The following ZC2HC1A variants were observed in gnomAD, a reference collection of about 807,000 sequenced individuals.
The protein encoded by ZC2HC1A is zinc finger C2HC-type containing 1A, also known as zinc finger C2HC domain-containing protein 1A.
ZC2HC1A carries 28 observed loss-of-function variants against 40.7 expected under a neutral mutation model. That is an observed-to-expected ratio of 0.69 (90% CI 0.51 to 0.94). The LOEUF (loss-of-function observed/expected upper bound fraction) is 0.94, where lower values mean the gene tolerates loss of function less well. Among genes scored for constraint, ZC2HC1A ranks in the 40% least tolerant of loss-of-function variants. ZC2HC1A has a pLI of 0.00. For synonymous variants in ZC2HC1A, 129 were observed against 129.2 expected (o/e 1.00, Z 0.01); for missense variants, 389 against 386.3 (o/e 1.01, Z -0.06).
At chr8:78,679,062 C>T (rs919601821) in intron 3 of ZC2HC1A, 1 of 153,282 alleles carries the variant, frequency 6.5e-6, no homozygotes, top group Non-Finnish European at 1.5e-5. Flanking sequence ...TCTCTACATC[C>T]AAAAAGTTAA....
chr8:78,698,502 C>G lies in ZC2HC1A; in HGVS notation c.693C>G (p.Ala231=). ...CTCCCTCTCATAAAGGGATAGCAGC[C>G]CCTCATGCAGGGTAAGTCTACACTG... is the stretch of plus-strand genomic sequence containing the variant. ...TLSPSHKGIA[A]PHAGANVKPR... The change falls in exon 7 of 9, where the codon GCC becomes GCG. Residue 231 remains alanine, a synonymous_variant. Transcript: ENST00000263849. The G allele has an allele frequency of 6.2e-7, 1 of 1,607,906 alleles. No homozygotes were observed. The highest frequency in any genetic ancestry group is 2.2e-5 in the East Asian group (1 of 44,710).
At chr8:78,691,329 C>T (rs1020869035) in intron 5 of ZC2HC1A, among the ~76,000 whole-genome samples, 5 of 152,066 alleles carry the variant, frequency 3.3e-5, no homozygotes, top group African/African-American at 7.2e-5. Flanking sequence ...ACATCTTCCC[C>T]ATTTATTGGC....
intron 7 of ZC2HC1A, among the ~76,000 whole-genome samples, chr8:78,712,777 T>C (rs965175165): frequency 7.2e-5 from 11 of 152,290 alleles, no homozygotes; most frequent in African/African-American, 2.2e-4. Context: ...CTAGCCCACA[T>C]TTTAAATATG....
chr8:78,687,905 T>C (rs1407508974), intron 4 of ZC2HC1A, among the ~76,000 whole-genome samples: 1 of 56,404 alleles, frequency 1.8e-5, no homozygotes, highest in Admixed American at 2.5e-4. Context: ...TTATATATAT[T>C]TATATAAATA....
intron 1 of ZC2HC1A, among the ~76,000 whole-genome samples, chr8:78,675,321 A>G (rs1048210081): frequency 3.3e-5 from 5 of 151,922 alleles, no homozygotes; most frequent in African/African-American, 7.2e-5. Flanking sequence ...TGTACTTTCT[A>G]TTGTTTGGTG....
intron 7 of ZC2HC1A, among the ~76,000 whole-genome samples, chr8:78,703,598 C>T (rs1382898179): frequency 6.8e-6 from 1 of 147,072 alleles, no homozygotes; most frequent in African/African-American, 2.5e-5. Flanking sequence ...ATTAGGAGTA[C>T]AACCCCTGCT....
chr8:78,676,125 T>TAAA, intron 2 of ZC2HC1A: 21 of 194,948 alleles, frequency 1.1e-4, no homozygotes, highest in South Asian at 2.1e-4. Context: ...ACAAACAAAA[T>TAAA]AAAAAAAAAA....
chr8:78,672,199 G>A (rs1479916751), intron 1 of ZC2HC1A, among the ~76,000 whole-genome samples: 1 of 151,658 alleles, frequency 6.6e-6, no homozygotes, highest in Non-Finnish European at 1.5e-5. Flanking sequence ...TCATGATCTG[G>A]GTAGAAGATT....
At chr8:78,669,706 C>T (rs933838631) in intron 1 of ZC2HC1A, among the ~76,000 whole-genome samples, 3 of 152,182 alleles carry the variant, frequency 2.0e-5, no homozygotes, top group Non-Finnish European at 2.9e-5. Context: ...ATTATCCATA[C>T]TTCTCCAAGA....
intron 4 of ZC2HC1A, among the ~76,000 whole-genome samples, chr8:78,686,873 A>C (rs1269161237): frequency 6.6e-6 from 1 of 152,114 alleles, no homozygotes; most frequent in Non-Finnish European, 1.5e-5. Flanking sequence ...TTATTATAGT[A>C]ACTATTAAAT....
At chr8:78,712,046 A>G (rs1810966093) in intron 7 of ZC2HC1A, 2 of 1,289,640 alleles carry the variant, frequency 1.6e-6, no homozygotes, top group African/African-American at 1.5e-5. Flanking sequence ...CAAAGGTTGT[A>G]TGACAGTGAT....
chr8:78,675,976 G>T, intron 2 of ZC2HC1A, 113 bp downstream of exon 2: 1 of 800,750 alleles, frequency 1.2e-6, no homozygotes, highest in Middle Eastern at 2.5e-4. Flanking sequence ...AGAGTTAATG[G>T]GTACTATTCT....
chr8:78,675,920 T>G, intron 2 of ZC2HC1A, 57 bp downstream of exon 2: 1 of 1,439,892 alleles, frequency 6.9e-7, no homozygotes, highest in Admixed American at 1.8e-5. Flanking sequence ...TGTTCAATAA[T>G]TCTGGTCAAT....
At chr8:78,709,300 A>G (rs1161178556) in intron 7 of ZC2HC1A, among the ~76,000 whole-genome samples, 1 of 152,170 alleles carries the variant, frequency 6.6e-6, no homozygotes, top group Non-Finnish European at 1.5e-5. Flanking sequence ...TTAAGAAGTA[A>G]ATGTCTTTAG....
At chr8:78,680,286 C>CAAAAAAAA (rs3070855) in intron 3 of ZC2HC1A, among the ~76,000 whole-genome samples, 1 of 88,150 alleles carries the variant, frequency 1.1e-5, no homozygotes, top group African/African-American at 4.5e-5. Context: ...GACTCCGTCT[C>CAAAAAAAA]AAAAAAAAAA....
At chr8:78,668,945 G>C (rs1809372791) in intron 1 of ZC2HC1A, among the ~76,000 whole-genome samples, 1 of 152,100 alleles carries the variant, frequency 6.6e-6, no homozygotes, top group South Asian at 2.1e-4. Context: ...TTGTGGCAGA[G>C]ATCAGACTGT....
intron 7 of ZC2HC1A, among the ~76,000 whole-genome samples, chr8:78,703,026 A>T (rs1038342669): frequency 2.0e-5 from 3 of 152,114 alleles, no homozygotes; most frequent in African/African-American, 7.2e-5. Context: ...CCTCTCGAGC[A>T]GCTGGGATTA....
chr8:78,688,526 G>T (rs771551740), intron 4 of ZC2HC1A, among the ~76,000 whole-genome samples: 1 of 152,058 alleles, frequency 6.6e-6, no homozygotes, highest in Admixed American at 6.6e-5. Flanking sequence ...GACACTACCA[G>T]ATTTTTACAT....
At position 78,688,425 on chromosome 8, in the gene ZC2HC1A, G is replaced by A. The variant is rs539092892; in HGVS notation, c.353-797G>A. ...TAAGGAGGACAAATTTTTGAGCTCA[G>A]ATGAATATAAATTGAAAAGGGCAAA... On this transcript the variant is annotated intron_variant, in intron 4 of 8. Transcript: ENST00000263849. Among the ~76,000 whole-genome samples the A allele has an allele frequency of 1.4e-3, 213 of 152,170 alleles. 1 individual carries two copies. The highest frequency in any genetic ancestry group is 5.0e-3 in the African/African-American group (207 of 41,534).
Sources: gnomAD v4.1 joint callset for allele counts (sites outside exome capture counted in the v4.1 genomes callset) on GRCh38, gnomAD v4.1.1 for gene constraint, MANE v1.5 for transcripts, NCBI Gene and HGNC (gene_info 2026-07-23, HGNC 2026-07-21) for gene names.